PDE3B: variants seen among roughly 807,000 people sequenced by gnomAD.
The protein encoded by PDE3B is cGMP-inhibited 3',5'-cyclic phosphodiesterase 3B.
A neutral mutation model predicts 116.8 loss-of-function variants in PDE3B; 66 were observed. That is an observed-to-expected ratio of 0.56 (90% CI 0.46 to 0.69). The LOEUF (loss-of-function observed/expected upper bound fraction) is 0.69. Among genes scored for constraint, PDE3B ranks in the 30% least tolerant of loss-of-function variants. The probability of loss-of-function intolerance (pLI) is 0.00; values close to 1 mark genes in which losing one functional copy is unlikely to be tolerated. For synonymous variants in PDE3B, 595 were observed against 533.6 expected, an observed-to-expected ratio of 1.12 and a Z score of -1.59; for missense variants, 1,384 against 1,368.1, an observed-to-expected ratio of 1.01 and a Z score of -0.18.
intron 1 of PDE3B, among the ~76,000 whole-genome samples, chr11:14,701,305 T>C (rs921139949): frequency 2.0e-5 from 3 of 151,788 alleles, no homozygotes; most frequent in Non-Finnish European, 3.0e-5. Context: ...ATCTGCAGTG[T>C]AATTATCTTT....
intron 1 of PDE3B, among the ~76,000 whole-genome samples, chr11:14,647,921 C>G (rs924977721): frequency 6.9e-6 from 1 of 144,490 alleles, no homozygotes; most frequent in Non-Finnish European, 1.5e-5. Context: ...CAGTTCTTAA[C>G]TAAGGTTTTT....
intron 4 of PDE3B, among the ~76,000 whole-genome samples, chr11:14,797,168 G>A (rs532789309): frequency 6.6e-6 from 1 of 152,286 alleles, no homozygotes; most frequent in African/African-American, 2.4e-5. Context: ...AGATCAGATG[G>A]TTGTAGATGT....
chr11:14,841,570 G>A (rs181889235), intron 11 of PDE3B, among the ~76,000 whole-genome samples: 110 of 148,198 alleles, frequency 7.4e-4, no homozygotes, highest in African/African-American at 2.5e-3. Flanking sequence ...AAGTGTATTA[G>A]TCTGTTCTGA....
intron 1 of PDE3B, among the ~76,000 whole-genome samples, chr11:14,662,088 C>T (rs562737378): frequency 7.2e-5 from 11 of 152,054 alleles, no homozygotes; most frequent in East Asian, 1.9e-4. Flanking sequence ...TTCACACGGC[C>T]GGGTACTCCT....
chr11:14,666,272 A>C (rs2133772005), intron 1 of PDE3B, among the ~76,000 whole-genome samples: 1 of 148,594 alleles, frequency 6.7e-6, no homozygotes, highest in Non-Finnish European at 1.5e-5. Context: ...CACCTTATAC[A>C]AAAATTAATT....
At chr11:14,844,337 G>C (rs1409783106) in intron 12 of PDE3B, among the ~76,000 whole-genome samples, 1 of 152,138 alleles carries the variant, frequency 6.6e-6, no homozygotes, top group Non-Finnish European at 1.5e-5. Context: ...CTGTATTTAA[G>C]ATTTCTGTTC....
Position 14,737,337 on chromosome 11 carries a change from G to A in PDE3B, c.979-34600G>A, listed in dbSNP as rs188916627. On this transcript the variant is annotated intron_variant, in intron 1 of 15. Coordinates refer to ENST00000282096, the MANE Select transcript of PDE3B (RefSeq NM_000922.4). ...GCCTCCTGAGTAGCTGGGACTACAG[G>A]CAGGCGCCCTGCCACTATGCCCAGC... Among the ~76,000 whole-genome samples, 345 of 152,268 alleles carry A rather than the reference G, an allele frequency of 2.3e-3. 1 individual carries two copies. Among genetic ancestry groups the A allele is most frequent in the Non-Finnish European group, 3.4e-3 (228 of 68,022 alleles).
the PDE3B span, among the ~76,000 whole-genome samples, chr11:14,895,407 T>G: frequency 6.6e-6 from 1 of 152,250 alleles, no homozygotes; most frequent in East Asian, 1.9e-4. Flanking sequence ...GCCTCAATTT[T>G]GATTTTAAAC....
Position 14,706,866 on chromosome 11 carries a change from A to G in PDE3B, c.978+61813A>G, listed in dbSNP as rs139654823. Among the ~76,000 whole-genome samples the G allele has an allele frequency of 6.3e-4, 96 of 151,978 alleles. 1 individual carries two copies. The East Asian group carries it at 0.015, about 24-fold the overall frequency. On this transcript the variant is annotated intron_variant, in intron 1 of 15. Coordinates refer to ENST00000282096, the MANE Select transcript of PDE3B (RefSeq NM_000922.4). ...GTTTTCATATTTTTCATACTTTAGC[A>G]TTTTGGTACATGCCATATTAGAATG... is the stretch of plus-strand genomic sequence containing the variant.
chr11:14,816,238 T>C (rs541970298), intron 5 of PDE3B, among the ~76,000 whole-genome samples: 10 of 152,346 alleles, frequency 6.6e-5, no homozygotes, highest in African/African-American at 2.4e-4. Flanking sequence ...ATTTAAATGT[T>C]AATCACATCT....
At chr11:14,739,794 T>G (rs901379563) in intron 1 of PDE3B, among the ~76,000 whole-genome samples, 1 of 152,176 alleles carries the variant, frequency 6.6e-6, no homozygotes, top group African/African-American at 2.4e-5. Flanking sequence ...CCTAGCTCAT[T>G]GAGAGTTTTT....
At chr11:14,741,204 T>TA (rs1156240907) in intron 1 of PDE3B, among the ~76,000 whole-genome samples, 6 of 152,078 alleles carry the variant, frequency 3.9e-5, no homozygotes, top group Non-Finnish European at 7.3e-5. Context: ...AGTGGGGTGT[T>TA]ACAGTCTCCC....
At chr11:14,856,409 C>G (rs1555006187) in intron 12 of PDE3B, among the ~76,000 whole-genome samples, 1 of 152,094 alleles carries the variant, frequency 6.6e-6, no homozygotes, top group South Asian at 2.1e-4. Flanking sequence ...TTTGTCAAGA[C>G]TATTTCTTTA....
At chr11:14,770,888 C>T (rs1355713856) in intron 1 of PDE3B, among the ~76,000 whole-genome samples, 1 of 151,584 alleles carries the variant, frequency 6.6e-6, no homozygotes, top group African/African-American at 2.4e-5. Flanking sequence ...AAACTGTAGT[C>T]CACTGACCAA....
At chr11:14,767,953 C>A (rs1042668503) in intron 1 of PDE3B, among the ~76,000 whole-genome samples, 5 of 151,124 alleles carry the variant, frequency 3.3e-5, no homozygotes, top group Admixed American at 6.6e-5. Context: ...AGACACTTAG[C>A]AGTATTTTCA....
intron 1 of PDE3B, among the ~76,000 whole-genome samples, chr11:14,659,048 GA>G (rs1196750970): frequency 6.6e-6 from 1 of 152,134 alleles, no homozygotes; most frequent in African/African-American, 2.4e-5. Context: ...GATGCCTAAG[GA>G]ATAAGTTCTT....
At chr11:14,722,549 G>A (rs1289650423) in intron 1 of PDE3B, among the ~76,000 whole-genome samples, 2 of 152,156 alleles carry the variant, frequency 1.3e-5, no homozygotes, top group Non-Finnish European at 2.9e-5. Flanking sequence ...TCGTTTAATA[G>A]CAATTTTACA....
At chr11:14,726,829 C>T (rs184110572) in intron 1 of PDE3B, among the ~76,000 whole-genome samples, 3 of 152,152 alleles carry the variant, frequency 2.0e-5, no homozygotes, top group African/African-American at 7.2e-5. Context: ...TGGAGTATGA[C>T]AGGTGAGGTA....
chr11:14,767,277 A>G (rs1399894330), intron 1 of PDE3B, among the ~76,000 whole-genome samples: 2 of 151,612 alleles, frequency 1.3e-5, no homozygotes, highest in Non-Finnish European at 3.0e-5. Context: ...GACAACATCC[A>G]GAAGAATATA....
Sources: allele counts gnomAD v4.1 joint callset (sites outside exome capture counted in the v4.1 genomes callset), GRCh38; gene constraint gnomAD v4.1.1; transcripts MANE v1.5; gene names NCBI Gene and HGNC (gene_info 2026-07-23, HGNC 2026-07-21).